SLIT3: variants seen among roughly 807,000 people sequenced by gnomAD.
The protein encoded by SLIT3 is slit homolog 3 protein.
SLIT3 carries 68 observed loss-of-function variants against 184.0 expected under a neutral mutation model. The ratio of observed to expected loss-of-function variants is 0.37; its 90% confidence interval spans 0.30 to 0.45. The LOEUF (loss-of-function observed/expected upper bound fraction) is 0.45. SLIT3 is among the 20% of genes least tolerant of loss of function. The probability of loss-of-function intolerance (pLI) is 1.00; values close to 1 mark genes in which losing one functional copy is unlikely to be tolerated. For synonymous variants in SLIT3, 831 were observed against 828.6 expected (o/e 1.00, Z -0.05); for missense variants, 1,707 against 2,026.0 (o/e 0.84, Z 3.02).
At chr5:169,109,033 A>G (rs1760318632) in intron 4 of SLIT3, among the ~76,000 whole-genome samples, 1 of 152,158 alleles carries the variant, frequency 6.6e-6, no homozygotes. Context: ...GGTAAGACCT[A>G]AGACTTGCTT....
chr5:168,800,474 C>A (rs1450862194), intron 9 of SLIT3, among the ~76,000 whole-genome samples: 1 of 152,144 alleles, frequency 6.6e-6, no homozygotes, highest in Non-Finnish European at 1.5e-5. Context: ...GTAATCCCAG[C>A]TACTTGGGAG....
chr5:168,662,704 G>A lies in SLIT3; in HGVS notation c.*3750C>T, dbSNP rs1200421288. 1.3e-5 allele frequency: 2 copies of A among 152,154 alleles called. No homozygotes were observed. Among genetic ancestry groups the A allele is most frequent in the African/African-American group, 2.4e-5 (1 of 41,436 alleles). The allele number at this position is 152,154 out of a possible 1,614,324, so 9.4% of individuals were successfully genotyped here. On this transcript the variant is annotated 3_prime_UTR_variant, in exon 36 of 36. Coordinates refer to ENST00000519560, the MANE Select transcript of SLIT3 (RefSeq NM_003062.4). Reference sequence around the variant, plus strand: ...TACATAATCTCATCGGCCATCGTACGGCCCCTTGGCTGAGTTGAAGAGAAC... The same window carrying A: ...TACATAATCTCATCGGCCATCGTACAGCCCCTTGGCTGAGTTGAAGAGAAC...
chr5:169,094,639 T>G (rs554854160), intron 4 of SLIT3, among the ~76,000 whole-genome samples: 4 of 152,052 alleles, frequency 2.6e-5, no homozygotes, highest in Admixed American at 6.5e-5. Context: ...CAAAAAAAAA[T>G]TACAGCCCTT....
chr5:168,666,373 T>TGAATCACCA lies in SLIT3; in HGVS notation c.*72_*80dup, dbSNP rs1761041981. The TGAATCACCA allele has an allele frequency of 2.2e-6, 3 of 1,336,448 alleles. No individual in the cohort carries two copies. The highest frequency in any genetic ancestry group is 3.0e-6 in the Non-Finnish European group (3 of 1,011,538). 82.8% of individuals were successfully genotyped at this position (1,336,448 alleles called of 1,614,324 possible). On this transcript the variant is annotated 3_prime_UTR_variant, in exon 36 of 36. Coordinates refer to ENST00000519560, the MANE Select transcript of SLIT3 (RefSeq NM_003062.4). ...CTCTCCAGCTTCATTTCCTTCATGC[T>TGAATCACCA]GAATCACCAGGGGGTCCCACATGGC...
At chr5:169,043,748 C>T (rs1394456300) in intron 4 of SLIT3, among the ~76,000 whole-genome samples, 3 of 152,172 alleles carry the variant, frequency 2.0e-5, no homozygotes, top group African/African-American at 7.2e-5. Flanking sequence ...TGAGTTTCTC[C>T]ATTCCCCACT....
At chr5:169,002,356 G>GAA (rs1420813807) in intron 4 of SLIT3, among the ~76,000 whole-genome samples, 2 of 68,708 alleles carry the variant, frequency 2.9e-5, no homozygotes, top group African/African-American at 1.1e-4. Flanking sequence ...AAAAAAAAAA[G>GAA]AAAAAAAGAA....
At chr5:168,780,801 A>T (rs1219095180) in intron 12 of SLIT3, among the ~76,000 whole-genome samples, 1 of 152,190 alleles carries the variant, frequency 6.6e-6, no homozygotes, top group Non-Finnish European at 1.5e-5. Context: ...TTAGAACATT[A>T]TGTTATCATC....
At chr5:168,891,383 A>G (rs1337045212) in intron 4 of SLIT3, among the ~76,000 whole-genome samples, 1 of 152,070 alleles carries the variant, frequency 6.6e-6, no homozygotes, top group Non-Finnish European at 1.5e-5. Flanking sequence ...GGATGGTTAC[A>G]CCCTCCCCTG....
At position 169,300,552 on chromosome 5, in the gene SLIT3, C is replaced by G; in HGVS notation, c.158G>C (p.Arg53Pro). Residue 53 changes from arginine (R) to proline (P), a missense_variant, in exon 1 of 36, where the codon CGC (arginine) becomes CCC (proline). This residue lies in a region of SLIT3 where 1,307 missense variants were observed against 1,511.6 expected (regional missense o/e 0.86). Transcript: ENST00000519560. The surrounding 1 kb of genome is among the most constrained non-coding windows in gnomAD (Gnocchi z 4.1). ...GCGGGGGATGCCCCGAGGAACCGCG[C>G]GGAGGCCCAGCCCGTGGCAGTCCAC... Reference protein sequence around the residue: ...ASVDCHGLGLRAVPRGIPRNA... With the variant: ...ASVDCHGLGLPAVPRGIPRNA... 2.0e-6 allele frequency: 3 copies of G among 1,509,466 alleles called. 1 individual carries two copies. In the East Asian group the frequency reaches 8.3e-5, roughly 42 times the overall value. 93.5% of individuals were successfully genotyped at this position (1,509,466 alleles called of 1,614,324 possible).
chr5:168,752,819 A>G, intron 18 of SLIT3, 136 bp downstream of exon 18: 1 of 836,102 alleles, frequency 1.2e-6, no homozygotes, highest in Non-Finnish European at 1.9e-6. Flanking sequence ...TGCCTGGCAC[A>G]TACAGAAAGC....
chr5:169,098,307 G>T (rs1482431681), intron 4 of SLIT3, among the ~76,000 whole-genome samples: 22 of 152,148 alleles, frequency 1.4e-4, no homozygotes, highest in Non-Finnish European at 1.3e-4. Context: ...TCACACACGT[G>T]TGTGTATACA....
chr5:168,749,485 G>A lies in SLIT3; in HGVS notation c.2124C>T (p.Asp708=). The change falls in exon 19 of 36, where the codon GAC becomes GAT. Residue 708 remains aspartate, a synonymous_variant. Transcript: ENST00000519560. ...EIPIQDVAIQ[D]FTCDGNEESS... is the part of the protein sequence containing the mutation. Reference sequence around the variant, plus strand: ...CAGCCTTCTTACCATCACAGGTGAAGTCCTGGATGGCCACATCCTGGATGG... The same window carrying A: ...CAGCCTTCTTACCATCACAGGTGAAATCCTGGATGGCCACATCCTGGATGG... 6.2e-7 allele frequency: 1 copy of A among 1,614,160 alleles called. No individual in the cohort carries two copies. Among genetic ancestry groups the A allele is most frequent in the African/African-American group, 1.3e-5 (1 of 75,056 alleles).
intron 4 of SLIT3, among the ~76,000 whole-genome samples, chr5:169,191,599 G>GA (rs1763553113): frequency 6.6e-6 from 1 of 152,182 alleles, no homozygotes; most frequent in Admixed American, 6.5e-5. Context: ...TAAAAGGGAG[G>GA]AGAGGGTATC....
intron 4 of SLIT3, among the ~76,000 whole-genome samples, chr5:169,089,625 A>C (rs1027875612): frequency 5.9e-5 from 9 of 152,102 alleles, no homozygotes; most frequent in African/African-American, 2.2e-4. Flanking sequence ...CACCAGTCAC[A>C]CTGACCTTTC....
chr5:169,228,673 T>C (rs10075042), intron 3 of SLIT3, among the ~76,000 whole-genome samples: 36,692 of 152,128 alleles, frequency 0.24, 5,396 homozygotes, highest in Non-Finnish European at 0.34. Context: ...ATACAAATTT[T>C]TTTAAAACAT....
At chr5:169,268,515 C>T (rs553939659) in intron 1 of SLIT3, among the ~76,000 whole-genome samples, 1 of 152,276 alleles carries the variant, frequency 6.6e-6, no homozygotes, top group South Asian at 2.1e-4. Flanking sequence ...GAGATATAAA[C>T]TCCTTGAAAG....
At chr5:168,728,978 A>T (rs1331495245) in intron 20 of SLIT3, among the ~76,000 whole-genome samples, 1 of 151,884 alleles carries the variant, frequency 6.6e-6, no homozygotes, top group African/African-American at 2.4e-5. Flanking sequence ...CTAAAAAATT[A>T]ATTGAAGGAA....
chr5:168,837,423 G>T lies in SLIT3; in HGVS notation c.557+7161C>A, dbSNP rs560998036. Among the ~76,000 whole-genome samples the T allele has an allele frequency of 1.2e-3, 183 of 152,274 alleles. 1 individual carries two copies. The highest frequency in any genetic ancestry group is 4.2e-3 in the African/African-American group (173 of 41,570). On this transcript the variant is annotated intron_variant, in intron 6 of 35. Coordinates refer to ENST00000519560, the MANE Select transcript of SLIT3 (RefSeq NM_003062.4). ...CAATTTTCACTGTAGCTCCGATTTT[G>T]TTCCTTATTAAAATGAGAAAGAAAG...
intron 3 of SLIT3, among the ~76,000 whole-genome samples, chr5:169,212,017 A>T (rs2113513088): frequency 6.6e-6 from 1 of 152,290 alleles, no homozygotes; most frequent in Middle Eastern, 3.4e-3. Context: ...TATCCAGTGT[A>T]TCATTGATGG....
Sources: gnomAD v4.1 joint callset for allele counts (sites outside exome capture counted in the v4.1 genomes callset) on GRCh38, gnomAD v4.1.1 for gene constraint, gnomAD v4.1.1 regional missense constraint, Gnocchi (gnomAD v3.1) non-coding constraint, MANE v1.5 for transcripts, NCBI Gene and HGNC (gene_info 2026-07-23, HGNC 2026-07-21) for gene names.